NRXN1: variants seen among roughly 807,000 people sequenced by gnomAD.
NRXN1 encodes neurexin 1.
In NRXN1, 39 loss-of-function variants were observed where a neutral mutation model predicts 150.9. The ratio of observed to expected loss-of-function variants is 0.26; its 90% confidence interval spans 0.20 to 0.34. NRXN1 has a LOEUF of 0.34. Among genes scored for constraint, NRXN1 ranks in the 10% least tolerant of loss-of-function variants. The pLI is 1.00. For synonymous variants in NRXN1, 924 were observed against 757.0 expected, an observed-to-expected ratio of 1.22 and a Z score of -3.62; for missense variants, 1,815 against 1,949.9, an observed-to-expected ratio of 0.93 and a Z score of 1.30.
At chr2:50,564,000 T>C (rs72835369) in intron 8 of NRXN1, among the ~76,000 whole-genome samples, 5,670 of 152,312 alleles carry the variant, frequency 0.037, 237 homozygotes, top group Non-Finnish European at 0.051. Context: ...CAAGTAGACT[T>C]GTTCCTGAGA....
At chr2:50,134,325 A>G (rs10490240) in intron 18 of NRXN1, among the ~76,000 whole-genome samples, 30,344 of 150,418 alleles carry the variant, frequency 0.2, 3,478 homozygotes, top group East Asian at 0.37. Flanking sequence ...TTCCCTCACC[A>G]TATTTCTAAC....
chr2:51,016,477 T>C (rs1244098416), intron 2 of NRXN1, among the ~76,000 whole-genome samples: 2 of 152,102 alleles, frequency 1.3e-5, no homozygotes, highest in Admixed American at 6.6e-5. Context: ...AGAAGACATA[T>C]ATGTAGCCAA....
rs543309797 is a variant in NRXN1, at chr2:50,256,248, G to A, written c.3365-19278C>T. 8.5e-5 allele frequency among the ~76,000 whole-genome samples: 13 copies of A among 152,240 alleles called. No individual in the cohort carries two copies. The South Asian group carries it at 2.7e-3, about 32-fold the overall frequency. On this transcript the variant is annotated intron_variant, in intron 17 of 22. Transcript: ENST00000401669. ...CTGAAAACTCAGCAATATCCTGGGA[G>A]AAATGATGCTACTAGGTTCACAGAC...
intron 5 of NRXN1, among the ~76,000 whole-genome samples, chr2:50,707,429 C>G (rs1694592478): frequency 6.6e-6 from 1 of 152,196 alleles, no homozygotes; most frequent in Admixed American, 6.6e-5. Flanking sequence ...TTATGTTCAG[C>G]TGCAGTAGAT....
At chr2:50,304,919 G>T (rs1425993360) in intron 17 of NRXN1, among the ~76,000 whole-genome samples, 1 of 152,000 alleles carries the variant, frequency 6.6e-6, no homozygotes, top group African/African-American at 2.4e-5. Flanking sequence ...TTGAAACCCC[G>T]TGTCTACTAA....
At position 50,730,196 on chromosome 2, in the gene NRXN1, T is replaced by C. The variant is rs199739350; in HGVS notation, c.833-106581A>G. 5.3e-5 allele frequency among the ~76,000 whole-genome samples: 8 copies of C among 152,168 alleles called. No homozygotes were observed. In the East Asian group the frequency reaches 1.4e-3, roughly 26 times the overall value. On this transcript the variant is annotated intron_variant, in intron 5 of 22. Transcript: ENST00000401669. ...CTTGCCAGTGTTCTCTTGAAACAAG[T>C]TTCCTTTTTCTCAACTCAGAGAAAT... is the stretch of plus-strand genomic sequence containing the variant.
chr2:50,245,463 C>A (rs1324500004), intron 17 of NRXN1, among the ~76,000 whole-genome samples: 1 of 151,858 alleles, frequency 6.6e-6, no homozygotes, highest in African/African-American at 2.4e-5. Context: ...AAGTCTCTGG[C>A]AAGTAACTCA....
intron 2 of NRXN1, among the ~76,000 whole-genome samples, chr2:50,989,023 T>TA (rs1313788323): frequency 3.9e-5 from 6 of 151,966 alleles, no homozygotes; most frequent in East Asian, 3.9e-4. Context: ...TTTTCTTTTT[T>TA]AAAAAAAATC....
intron 17 of NRXN1, among the ~76,000 whole-genome samples, chr2:50,458,506 G>T (rs557149169): frequency 7.2e-4 from 110 of 152,056 alleles, no homozygotes; most frequent in Admixed American, 2.8e-3. Flanking sequence ...ACCCAGATTT[G>T]ATCATTACAC....
chr2:50,309,183 T>A (rs992152501), intron 17 of NRXN1, among the ~76,000 whole-genome samples: 3 of 152,208 alleles, frequency 2.0e-5, no homozygotes, highest in Non-Finnish European at 4.4e-5. Context: ...ATGGGTTGGT[T>A]AGCCCGGCCT....
chr2:50,092,312 A>G (rs923387182), intron 18 of NRXN1, among the ~76,000 whole-genome samples: 1 of 152,194 alleles, frequency 6.6e-6, no homozygotes, highest in Non-Finnish European at 1.5e-5. Flanking sequence ...AAAGAGAAAC[A>G]TGTGCTATGT....
chr2:50,818,538 T>A (rs1284033535), intron 5 of NRXN1, among the ~76,000 whole-genome samples: 2 of 151,924 alleles, frequency 1.3e-5, no homozygotes, highest in Non-Finnish European at 2.9e-5. Flanking sequence ...CATAATAGAT[T>A]AAAGACCTAA....
At chr2:50,161,459 T>C (rs2059360308) in intron 18 of NRXN1, among the ~76,000 whole-genome samples, 1 of 152,140 alleles carries the variant, frequency 6.6e-6, no homozygotes, top group Non-Finnish European at 1.5e-5. Context: ...GTTGAGGATG[T>C]CAGGCTGACT....
chr2:50,615,294 C>T (rs879290278), intron 8 of NRXN1: 1 of 152,086 alleles, frequency 6.6e-6, no homozygotes, highest in Non-Finnish European at 1.5e-5. Context: ...GCAGTGTCTC[C>T]ACTCTGATTG....
At chr2:50,906,526 T>C (rs1398566014) in intron 5 of NRXN1, among the ~76,000 whole-genome samples, 1 of 152,154 alleles carries the variant, frequency 6.6e-6, no homozygotes, top group African/African-American at 2.4e-5. Context: ...CTTGACTAAA[T>C]AATTGTTGCT....
chr2:51,031,863 A>G (rs1671622793), intron 1 of NRXN1, 118 bp downstream of exon 1: 1 of 151,946 alleles, frequency 6.6e-6, no homozygotes, highest in South Asian at 2.1e-4. Context: ...CCCTCCCACC[A>G]CCCATCTTTC....
chr2:50,683,136 A>G (rs1690658897), intron 5 of NRXN1, among the ~76,000 whole-genome samples: 1 of 152,080 alleles, frequency 6.6e-6, no homozygotes, highest in African/African-American at 2.4e-5. Flanking sequence ...CCCAGAGCAG[A>G]CTACTAATAT....
intron 22 of NRXN1, among the ~76,000 whole-genome samples, chr2:49,922,459 TC>T (rs1478560395): frequency 1.3e-5 from 2 of 152,194 alleles, no homozygotes; most frequent in Admixed American, 1.3e-4. Context: ...TGTTGCTGTG[TC>T]TTCTTTCTTC....
At chr2:50,277,348 A>G (rs1187120246) in intron 17 of NRXN1, among the ~76,000 whole-genome samples, 1 of 79,546 alleles carries the variant, frequency 1.3e-5, no homozygotes, top group East Asian at 3.5e-4. Flanking sequence ...TGAGCAGTTG[A>G]CATTGCTTGG....
Sources: allele counts gnomAD v4.1 joint callset (sites outside exome capture counted in the v4.1 genomes callset), GRCh38; gene constraint gnomAD v4.1.1; transcripts MANE v1.5; gene names NCBI Gene and HGNC (gene_info 2026-07-23, HGNC 2026-07-21).